Variants in LONP2 observed in about 807,000 individuals in gnomAD.
LONP2 encodes lon peptidase 2, peroxisomal, also known as lon protease homolog 2, peroxisomal.
Under a neutral mutation model 85.6 loss-of-function variants are expected in LONP2, and 60 were observed. The observed-to-expected ratio is 0.70, with a 90% CI of 0.57 to 0.87. LONP2 has a LOEUF of 0.87. Among genes scored for constraint, LONP2 ranks in the 40% least tolerant of loss-of-function variants. LONP2 has a pLI of 0.00. For synonymous variants in LONP2, 395 were observed against 389.7 expected (o/e 1.01, Z -0.16); for missense variants, 860 against 1,063.5 (o/e 0.81, Z 2.66).
chr16:48,247,974 T>A (rs867537532), intron 1 of LONP2, among the ~76,000 whole-genome samples: 1 of 152,102 alleles, frequency 6.6e-6, no homozygotes, highest in South Asian at 2.1e-4. Context: ...CTATTGTCCA[T>A]TGTAATGAGA....
At chr16:48,267,644 C>G (rs1972019008) in intron 6 of LONP2, among the ~76,000 whole-genome samples, 1 of 152,020 alleles carries the variant, frequency 6.6e-6, no homozygotes, top group African/African-American at 2.4e-5. Context: ...GAGATGGTGT[C>G]TTGCCCTGTC....
At chr16:48,361,411 T>C, downstream of LONP2, 1 of 621,912 alleles carries the variant, frequency 1.6e-6, no homozygotes, top group Non-Finnish European at 2.8e-6. Flanking sequence ...AATATATTAG[T>C]GTTACTACAT....
rs1172390307 is a variant in LONP2, at chr16:48,261,467, G to A, written c.767G>A (p.Gly256Asp). Reference sequence around the variant, plus strand: ...ATTAGGAGAATTACACATATCTCAGGTACTTTAGAAGATGAAGATGAAGAT... The same window carrying A: ...ATTAGGAGAATTACACATATCTCAGATACTTTAGAAGATGAAGATGAAGAT... ...RPIRRITHIS[G>D]TLEDEDEDED... The change falls in exon 5 of 15, where the codon GGT (glycine) becomes GAT (aspartate). Residue 256 changes from glycine to aspartate, a missense_variant. Transcript: ENST00000285737. The A allele has an allele frequency of 6.2e-7, 1 of 1,607,756 alleles. No individual in the cohort carries two copies. Among genetic ancestry groups the A allele is most frequent in the Non-Finnish European group, 8.5e-7 (1 of 1,176,874 alleles).
intron 11 of LONP2, among the ~76,000 whole-genome samples, chr16:48,310,996 G>A (rs1973018519): frequency 6.6e-6 from 1 of 152,112 alleles, no homozygotes; most frequent in African/African-American, 2.4e-5. Flanking sequence ...GTCTCTTCTG[G>A]CTTCTGAAGT....
At chr16:48,350,259 A>G (rs1960100173) in intron 14 of LONP2, among the ~76,000 whole-genome samples, 2 of 152,104 alleles carry the variant, frequency 1.3e-5, no homozygotes, top group East Asian at 1.9e-4. Flanking sequence ...GTGGTGGCGC[A>G]TGCCTGTAAT....
In LONP2 at chr16:48,356,798, C is replaced by T; in HGVS notation, c.*4996C>T. 1 of 261,292 alleles carries T rather than the reference C, an allele frequency of 3.8e-6. No homozygotes were observed. Among genetic ancestry groups the T allele is most frequent in the Non-Finnish European group, 7.9e-6 (1 of 127,322 alleles). 16.2% of individuals were successfully genotyped at this position (261,292 alleles called of 1,614,324 possible). A position where few individuals can be genotyped will look rare whatever the true frequency, so the allele number is the denominator to read the frequency against. On this transcript the variant is annotated 3_prime_UTR_variant, in exon 15 of 15. Transcript: ENST00000285737. ...AAAGCTTTGTCATGAAAATTCATTT[C>T]TTTGGAAATACTGTAGTTTGTACTT...
At chr16:48,313,286 C>T (rs77609220) in intron 11 of LONP2, among the ~76,000 whole-genome samples, 1,871 of 152,102 alleles carry the variant, frequency 0.012, 40 homozygotes, top group African/African-American at 0.043. Flanking sequence ...AATTCATGAC[C>T]AGCTTCATTT....
chr16:48,292,004 G>A (rs1386015012), intron 8 of LONP2, among the ~76,000 whole-genome samples: 2 of 152,170 alleles, frequency 1.3e-5, no homozygotes, highest in African/African-American at 4.8e-5. Context: ...TGGGGAAAGA[G>A]GAAGAAATTT....
chr16:48,297,343 CT>C (rs1873086021), intron 9 of LONP2, among the ~76,000 whole-genome samples: 1 of 151,782 alleles, frequency 6.6e-6, no homozygotes, highest in Non-Finnish European at 1.5e-5. Flanking sequence ...TGGAGTCTCA[CT>C]CTGTCACCCA....
rs1441970989 is a variant in LONP2, at chr16:48,296,164, A to G, written c.1533A>G (p.Pro511=). 6.2e-7 allele frequency: 1 copy of G among 1,613,772 alleles called. No individual in the cohort carries two copies. The highest frequency in any genetic ancestry group is 8.5e-7 in the Non-Finnish European group (1 of 1,179,806). Residue 511 remains proline (P), a splice_region_variant and synonymous_variant, in exon 9 of 15, where the codon CCA becomes CCG. Coordinates refer to ENST00000285737, the MANE Select transcript of LONP2 (RefSeq NM_031490.5). The part of the protein sequence containing the change: ...LLDRMEIIQV[P]GYTQEEKIEI... Reference sequence around the variant, plus strand: ...ACAGAATGGAGATCATTCAGGTTCCAGGTACCTGACTCTTAAATCATTATG... The same window carrying G: ...ACAGAATGGAGATCATTCAGGTTCCGGGTACCTGACTCTTAAATCATTATG...
At chr16:48,294,584 G>A (rs919484451) in intron 8 of LONP2, among the ~76,000 whole-genome samples, 10 of 151,976 alleles carry the variant, frequency 6.6e-5, no homozygotes, top group African/African-American at 2.4e-4. Context: ...TGGCCAACAT[G>A]GTGAAACCCC....
chr16:48,351,752 G>A lies in LONP2; in HGVS notation c.2509G>A (p.Gly837Ser), dbSNP rs1960159285. The change falls in exon 15 of 15, where the codon GGT (glycine) becomes AGT (serine). Residue 837 changes from glycine to serine, a missense_variant. Transcript: ENST00000285737. ...LDEVLNAAFD[G>S]GFTVKTRPGL... ...TGAGGTTCTTAATGCAGCTTTTGAT[G>A]GTGGCTTTACTGTCAAGACCAGACC... 6.2e-7 allele frequency: 1 copy of A among 1,614,000 alleles called. No homozygotes were observed. The highest frequency in any genetic ancestry group is 1.7e-5 in the Admixed American group (1 of 59,992).
At chr16:48,342,848 G>A (rs1435313863) in intron 12 of LONP2, among the ~76,000 whole-genome samples, 1 of 152,200 alleles carries the variant, frequency 6.6e-6, no homozygotes, top group Non-Finnish European at 1.5e-5. Context: ...AAAGAAACCA[G>A]TTGATGGTGT....
intron 12 of LONP2, 99 bp from the exon 13 acceptor site, chr16:48,347,408 G>A: frequency 8.8e-7 from 1 of 1,133,996 alleles, no homozygotes; most frequent in Non-Finnish European, 1.3e-6. Context: ...GTAAGTGGCT[G>A]AAGTCTTCTG....
intron 1 of LONP2, among the ~76,000 whole-genome samples, chr16:48,246,633 T>A (rs1567303397): frequency 6.6e-6 from 1 of 152,192 alleles, no homozygotes; most frequent in East Asian, 1.9e-4. Context: ...TGCAGTGGCG[T>A]GATCGTAGCC....
intron 12 of LONP2, among the ~76,000 whole-genome samples, chr16:48,346,898 C>T (rs1485619682): frequency 6.6e-6 from 1 of 152,032 alleles, no homozygotes; most frequent in Non-Finnish European, 1.5e-5. Flanking sequence ...CACCTGTAAT[C>T]CCAGCACTTT....
chr16:48,279,369 A>G (rs1379549287), intron 8 of LONP2, among the ~76,000 whole-genome samples: 3 of 152,060 alleles, frequency 2.0e-5, no homozygotes, highest in Admixed American at 6.6e-5. Context: ...GGAATCTTCT[A>G]CTCAATAGCT....
Position 48,244,632 on chromosome 16 carries a change from C to A in LONP2, c.233+11C>A. On this transcript the variant is annotated intron_variant, in intron 1 of 14. Transcript: ENST00000285737. The stretch of plus-strand genomic sequence containing the variant: ...GCCGCCGCTGCACAGGTAGGCCTGG[C>A]TGCCCCCGCGGCGGCGGCGGGCGGC... The A allele has an allele frequency of 7.4e-7, 1 of 1,353,886 alleles. No homozygotes were observed. Among genetic ancestry groups the A allele is most frequent in the East Asian group, 3.1e-5 (1 of 32,224 alleles). 83.9% of individuals were successfully genotyped at this position (1,353,886 alleles called of 1,614,324 possible).
rs544409896 is a variant in LONP2 at position 48,316,304 on chromosome 16, G to A, written c.1795+12999G>A. Among the ~76,000 whole-genome samples the A allele has an allele frequency of 6.2e-4, 91 of 146,850 alleles. 1 individual carries two copies. Among genetic ancestry groups the A allele is most frequent in the Non-Finnish European group, 1.0e-3 (68 of 66,818 alleles). The stretch of plus-strand genomic sequence containing the variant: ...GCTGGGATTACAGGCATGAGCCACC[G>A]CGCCCAGCCCATTGGATTCTTTTTT... On this transcript the variant is annotated intron_variant, in intron 11 of 14. Coordinates refer to ENST00000285737, the MANE Select transcript of LONP2 (RefSeq NM_031490.5).
Sources: allele counts gnomAD v4.1 joint callset (sites outside exome capture counted in the v4.1 genomes callset), GRCh38; gene constraint gnomAD v4.1.1; transcripts MANE v1.5; gene names NCBI Gene and HGNC (gene_info 2026-07-23, HGNC 2026-07-21).